Variants in NFIB observed in about 807,000 individuals in gnomAD.
The protein encoded by NFIB is nuclear factor I B.
NFIB carries 11 observed loss-of-function variants against 61.5 expected under a neutral mutation model. The observed-to-expected ratio is 0.18, with a 90% CI of 0.11 to 0.30. The LOEUF (loss-of-function observed/expected upper bound fraction) is 0.30. NFIB is among the 10% of genes least tolerant of loss of function. The probability of loss-of-function intolerance (pLI) is 1.00; values close to 1 mark genes in which losing one functional copy is unlikely to be tolerated. For missense variants in NFIB, 471 were observed against 608.9 expected, an observed-to-expected ratio of 0.77 and a Z score of 2.38; for synonymous variants, 260 against 216.5, an observed-to-expected ratio of 1.20 and a Z score of -1.76.
chr9:14,513,154 T>C, the NFIB span, among the ~76,000 whole-genome samples: 1 of 152,266 alleles, frequency 6.6e-6, no homozygotes, highest in East Asian at 1.9e-4. Context: ...TATTTATGTA[T>C]TCGTTTGTTT....
chr9:14,300,902 T>C (rs11999144), intron 2 of NFIB, among the ~76,000 whole-genome samples: 14,281 of 152,202 alleles, frequency 0.094, 1,054 homozygotes, highest in East Asian at 0.24. Context: ...GACCTTGCTA[T>C]ATTGGGTATC....
rs561010308 is a variant in NFIB, at chr9:14,302,751, A to C, written c.562+4238T>G. On this transcript the variant is annotated intron_variant, in intron 2 of 10. Transcript: ENST00000380953. ...ATCCCACTCCCGCCCCCCGACTCCC[A>C]CCACCACCACCACCCCCTTCCTTTT... Among the ~76,000 whole-genome samples the C allele has an allele frequency of 9.6e-4, 134 of 139,070 alleles. 1 individual carries two copies. The highest frequency in any genetic ancestry group is 4.3e-3 in the African/African-American group (131 of 30,126). The allele number at this position is 139,070 out of a possible 152,430, so 91.2% of individuals were successfully genotyped here. A position where few individuals can be genotyped will look rare whatever the true frequency, so the allele number is the denominator to read the frequency against.
chr9:14,338,899 C>T (rs916650679), intron 1 of NFIB, among the ~76,000 whole-genome samples: 2 of 150,908 alleles, frequency 1.3e-5, no homozygotes, highest in Non-Finnish European at 2.9e-5. Context: ...TGAACCTTTG[C>T]GATAGTTTTC....
At chr9:14,415,820 C>T in the NFIB span, among the ~76,000 whole-genome samples, 5 of 152,130 alleles carry the variant, frequency 3.3e-5, no homozygotes, top group African/African-American at 1.2e-4. Flanking sequence ...TCAAAGGAGA[C>T]ACCCCCGTAT....
At chr9:14,324,920 T>C (rs781588656) in intron 1 of NFIB, among the ~76,000 whole-genome samples, 2 of 152,122 alleles carry the variant, frequency 1.3e-5, no homozygotes, top group Non-Finnish European at 2.9e-5. Context: ...CTTAGAGAAA[T>C]TGGTCTTGCT....
chr9:14,146,890 T>A, intron 5 of NFIB, 83 bp from the exon 6 acceptor site: 1 of 1,554,274 alleles, frequency 6.4e-7, no homozygotes, highest in Non-Finnish European at 8.7e-7. Context: ...GAGAAGATCC[T>A]TACTGTGAAA....
the NFIB span, among the ~76,000 whole-genome samples, chr9:14,505,601 G>T: frequency 6.6e-6 from 1 of 152,112 alleles, no homozygotes; most frequent in Non-Finnish European, 1.5e-5. Context: ...TCCACCCCAT[G>T]CCCACAACCA....
At chr9:14,490,102 A>G in the NFIB span, among the ~76,000 whole-genome samples, 1 of 152,210 alleles carries the variant, frequency 6.6e-6, no homozygotes, top group Non-Finnish European at 1.5e-5. Context: ...GTTCACCACT[A>G]AAATTATACT....
At chr9:14,514,191 C>G in the NFIB span, among the ~76,000 whole-genome samples, 2 of 152,098 alleles carry the variant, frequency 1.3e-5, no homozygotes, top group East Asian at 1.9e-4. Flanking sequence ...TTTCAGAGCT[C>G]TATTATAGGA....
intron 2 of NFIB, among the ~76,000 whole-genome samples, chr9:14,252,207 A>T (rs1228114388): frequency 1.3e-5 from 2 of 152,230 alleles, no homozygotes; most frequent in African/African-American, 4.8e-5. Flanking sequence ...CAGGAATAGC[A>T]AACGGGCTGA....
At chr9:14,241,710 G>A (rs2054376919) in intron 2 of NFIB, among the ~76,000 whole-genome samples, 1 of 152,056 alleles carries the variant, frequency 6.6e-6, no homozygotes, top group African/African-American at 2.4e-5. Context: ...AATATGTACA[G>A]GTTAGTCTGG....
At chr9:14,342,045 C>T (rs1164054027) in intron 1 of NFIB, among the ~76,000 whole-genome samples, 6 of 152,044 alleles carry the variant, frequency 3.9e-5, no homozygotes, top group African/African-American at 1.4e-4. Context: ...TTGGAACATA[C>T]TCTTTTCTGT....
chr9:14,453,328 T>G, the NFIB span, among the ~76,000 whole-genome samples: 1 of 152,234 alleles, frequency 6.6e-6, no homozygotes, highest in Non-Finnish European at 1.5e-5. Context: ...AAATGAGATT[T>G]CTGCCAACCC....
At chr9:14,469,289 GA>G in the NFIB span, among the ~76,000 whole-genome samples, 1 of 152,164 alleles carries the variant, frequency 6.6e-6, no homozygotes, top group East Asian at 1.9e-4. Context: ...AAGTTACTGT[GA>G]AGATGACATG....
chr9:14,113,273 T>A (rs1221153271), intron 9 of NFIB, among the ~76,000 whole-genome samples, 192 bp from the exon 10 acceptor site: 1 of 152,164 alleles, frequency 6.6e-6, no homozygotes, highest in Non-Finnish European at 1.5e-5. Context: ...AATCAACTAG[T>A]TTATTCCCCC....
chr9:14,196,132 T>G (rs1386388556), intron 2 of NFIB, among the ~76,000 whole-genome samples: 1 of 152,136 alleles, frequency 6.6e-6, no homozygotes, highest in African/African-American at 2.4e-5. Flanking sequence ...CCTGTTTACC[T>G]GGATTAGTTT....
chr9:14,507,096 A>G, the NFIB span, among the ~76,000 whole-genome samples: 1 of 152,258 alleles, frequency 6.6e-6, no homozygotes, highest in Non-Finnish European at 1.5e-5. Context: ...AGCAATGCAC[A>G]GTAGCTAACA....
the NFIB span, among the ~76,000 whole-genome samples, chr9:14,509,667 C>G: frequency 3.3e-5 from 5 of 152,138 alleles, no homozygotes; most frequent in African/African-American, 1.2e-4. Flanking sequence ...GTTATTCTGT[C>G]TGTCAGAAGG....
At chr9:14,470,595 C>A in the NFIB span, among the ~76,000 whole-genome samples, 1 of 152,128 alleles carries the variant, frequency 6.6e-6, no homozygotes. Flanking sequence ...GCTGCTTAGG[C>A]AGCAGGGGCT....
Sources: allele counts gnomAD v4.1 joint callset (sites outside exome capture counted in the v4.1 genomes callset), GRCh38; gene constraint gnomAD v4.1.1; transcripts MANE v1.5; gene names NCBI Gene and HGNC (gene_info 2026-07-23, HGNC 2026-07-21).